The following ATP2A3 variants were observed in gnomAD, a reference collection of about 807,000 sequenced individuals.
The protein encoded by ATP2A3 is sarcoplasmic/endoplasmic reticulum calcium ATPase 3.
ATP2A3 carries 61 observed loss-of-function variants against 106.8 expected under a neutral mutation model. That is an observed-to-expected ratio of 0.57 (90% confidence interval 0.46 to 0.71). ATP2A3 has a LOEUF of 0.71. ATP2A3 is among the 30% of genes least tolerant of loss of function. The pLI is 0.00. For missense variants in ATP2A3, 1,201 were observed against 1,423.5 expected, an observed-to-expected ratio of 0.84 and a Z score of 2.52; for synonymous variants, 611 against 609.3, an observed-to-expected ratio of 1.00 and a Z score of -0.04.
At chr17:3,939,250 A>C (rs1779332964) in intron 14 of ATP2A3, among the ~76,000 whole-genome samples, 1 of 152,184 alleles carries the variant, frequency 6.6e-6, no homozygotes, top group Admixed American at 6.5e-5. Context: ...AGATAAGATC[A>C]AGAACCAGGC....
chr17:3,934,930 T>A, intron 17 of ATP2A3: 1 of 506,374 alleles, frequency 2.0e-6, no homozygotes, highest in Non-Finnish European at 3.6e-6. Context: ...TTGACAAAGG[T>A]AAGATACATC....
In ATP2A3 at chr17:3,955,869, C is replaced by CTTATT. The variant is rs764100735; in HGVS notation, c.119-2164_119-2160dup. Among the ~76,000 whole-genome samples, 113 of 151,196 alleles carry CTTATT rather than the reference C, an allele frequency of 7.5e-4. No individual in the cohort carries two copies. Among genetic ancestry groups the CTTATT allele is most frequent in the African/African-American group, 2.6e-3 (108 of 41,202 alleles). Reference sequence around the variant, plus strand: ...GCTGGTCTCTCAAGTTCTCCTTTCTCTTATTTTATTTTATTTTATTTTTTT... The same window carrying CTTATT: ...GCTGGTCTCTCAAGTTCTCCTTTCTCTTATTTTATTTTATTTTATTTTATTTTTTT... On this transcript the variant is annotated intron_variant, in intron 1 of 20. Transcript: ENST00000397041. The surrounding 1 kb of genome is among the most constrained non-coding windows in gnomAD (Gnocchi z 4.2).
At chr17:3,945,543 C>A (rs1489170696) in intron 8 of ATP2A3, among the ~76,000 whole-genome samples, 1 of 152,230 alleles carries the variant, frequency 6.6e-6, no homozygotes, top group Non-Finnish European at 1.5e-5. Context: ...ACCGCCCCCT[C>A]CTTTGCCTTC....
rs909223028 is a variant in ATP2A3, at chr17:3,930,622, C to T, written c.2611-188G>A. 19 of 778,600 alleles carry T rather than the reference C, an allele frequency of 2.4e-5. No individual in the cohort carries two copies. Among genetic ancestry groups the T allele is most frequent in the African/African-American group, 1.9e-4 (11 of 57,162 alleles). 48.2% of individuals were successfully genotyped at this position (778,600 alleles called of 1,614,324 possible). On this transcript the variant is annotated intron_variant, in intron 17 of 20. Coordinates refer to ENST00000397041, the MANE Select transcript of ATP2A3 (RefSeq NM_005173.4). This position sits in a 1 kb window ranked among gnomAD's most constrained non-coding sequence, Gnocchi z 5.4. ...GGGGCGGCGGTGGGGAGAGCTGCAC[C>T]GTGCCAGGGAGAAGCAAGGGCACAG...
rs1040696914 is a variant in ATP2A3 at position 3,955,671 on chromosome 17, C to T, written c.119-1961G>A. Among the ~76,000 whole-genome samples, 7 of 152,238 alleles carry T rather than the reference C, an allele frequency of 4.6e-5. No individual in the cohort carries two copies. Among genetic ancestry groups the T allele is most frequent in the South Asian group, 4.1e-4 (2 of 4,828 alleles). ...TCAGGACAGCACTAACCTCATGGTG[C>T]GCATGGGTGGGCTTGTGCTGGGCTC... On this transcript the variant is annotated intron_variant, in intron 1 of 20. Transcript: ENST00000397041. The surrounding 1 kb of genome is among the most constrained non-coding windows in gnomAD (Gnocchi z 4.2).
rs373983815 is a variant in ATP2A3 at position 3,935,876 on chromosome 17, C to T, written c.2524+391G>A. 5.6e-4 allele frequency among the ~76,000 whole-genome samples: 86 copies of T among 152,250 alleles called. 3 individuals carry two copies. The South Asian group carries it at 0.016, about 28-fold the overall frequency. Reference sequence around the variant, plus strand: ...CAGACCTCAAGTGATCTGCCCACCTCGGCCTCCCACAATGCTGGGGTTACA... The same window carrying T: ...CAGACCTCAAGTGATCTGCCCACCTTGGCCTCCCACAATGCTGGGGTTACA... On this transcript the variant is annotated intron_variant, in intron 16 of 20. Transcript: ENST00000397041.
chr17:3,942,920 C>A (rs2053866228), intron 11 of ATP2A3, among the ~76,000 whole-genome samples, 189 bp from the exon 12 acceptor site: 1 of 152,186 alleles, frequency 6.6e-6, no homozygotes, highest in Admixed American at 6.5e-5. Flanking sequence ...ATGCCGTTTG[C>A]TGACCATGCT....
intron 11 of ATP2A3, among the ~76,000 whole-genome samples, 161 bp downstream of exon 11, chr17:3,943,229 AC>A (rs1315854175): frequency 6.6e-6 from 1 of 151,402 alleles, no homozygotes; most frequent in Non-Finnish European, 1.5e-5. Flanking sequence ...CCAGGATTGC[AC>A]CATTGTACTA....
chr17:3,928,757 C>G lies in ATP2A3; in HGVS notation c.2886G>C (p.Leu962=), dbSNP rs781669749. Residue 962 remains leucine, a synonymous_variant, in exon 20 of 21, where the codon CTG becomes CTC. Coordinates refer to ENST00000397041, the MANE Select transcript of ATP2A3 (RefSeq NM_005173.4). This position sits in a 1 kb window ranked among gnomAD's most constrained non-coding sequence, Gnocchi z 6.1. The part of the protein sequence containing the change: ...PLPLIFQVTP[L]SGRQWVVVLQ... ...GCACCACCACCCACTGGCGCCCGCT[C>G]AGTGGGGTCACCTGGAAAATGAGCT... 1.9e-6 allele frequency: 3 copies of G among 1,553,922 alleles called. No homozygotes were observed. In the East Asian group the frequency reaches 7.3e-5, roughly 38 times the overall value.
chr17:3,953,384 A>G lies in ATP2A3; in HGVS notation c.182T>C (p.Leu61Pro), dbSNP rs767755507. 3 of 1,614,060 alleles carry G rather than the reference A, an allele frequency of 1.9e-6. No individual in the cohort carries two copies. Among genetic ancestry groups the G allele is most frequent in the Non-Finnish European group, 2.5e-6 (3 of 1,180,018 alleles). Reference sequence around the variant, plus strand: ...GGCAGCCAGCAGCAGGATGCGCACCAGGAGGTCCTCAAACTGTTCCAGCAC... The same window carrying G: ...GGCAGCCAGCAGCAGGATGCGCACCGGGAGGTCCTCAAACTGTTCCAGCAC... The part of the protein sequence containing the change: ...ELVLEQFEDL[L>P]VRILLLAALV... The change falls in exon 3 of 21, where the codon CTG (leucine) becomes CCG (proline). Residue 61 changes from leucine (L) to proline (P), a missense_variant. By Grantham distance (98) the Leu-to-Pro change is moderately conservative. Around this residue, in one of 2 missense-constraint regions of ATP2A3, gnomAD observed 266 missense variants for 246.8 expected, o/e 1.08. Transcript: ENST00000397041. The surrounding 1 kb of genome is among the most constrained non-coding windows in gnomAD (Gnocchi z 5.1).
At chr17:3,951,558 G>GCACC in intron 4 of ATP2A3, 23 bp downstream of exon 4, 1 of 716,228 alleles carries the variant, frequency 1.4e-6, no homozygotes, top group Non-Finnish European at 2.1e-6. Flanking sequence ...CCCCCGCCCG[G>GCACC]TCCCACCCCC....
At chr17:3,939,786 T>TA (rs71381543) in intron 14 of ATP2A3, among the ~76,000 whole-genome samples, 5,342 of 50,288 alleles carry the variant, frequency 0.11, 985 homozygotes, top group Non-Finnish European at 0.16. Flanking sequence ...AGACTCTGTC[T>TA]AAAAAAAAAA....
Position 3,953,523 on chromosome 17 carries a change from C to T in ATP2A3, c.137-94G>A. The T allele has an allele frequency of 1.3e-6, 2 of 1,520,078 alleles. No homozygotes were observed. Among genetic ancestry groups the T allele is most frequent in the Non-Finnish European group, 1.8e-6 (2 of 1,101,928 alleles). The allele number at this position is 1,520,078 out of a possible 1,614,324, so 94.2% of individuals were successfully genotyped here. ...CCCGGGAGACCTCCCGGCCCATTCC[C>T]TCCCTGCACTCAGAAGAGGGAGAAC... On this transcript the variant is annotated intron_variant, in intron 2 of 20. Coordinates refer to ENST00000397041, the MANE Select transcript of ATP2A3 (RefSeq NM_005173.4). The surrounding 1 kb of genome is among the most constrained non-coding windows in gnomAD (Gnocchi z 5.1).
chr17:3,952,361 C>T (rs1287997573), intron 3 of ATP2A3, among the ~76,000 whole-genome samples: 3 of 152,204 alleles, frequency 2.0e-5, no homozygotes, highest in East Asian at 1.9e-4. Flanking sequence ...TGCGCCACTG[C>T]GCCCAGCCAA....
chr17:3,946,224 C>T (rs1208216420), intron 8 of ATP2A3, among the ~76,000 whole-genome samples: 4 of 138,228 alleles, frequency 2.9e-5, no homozygotes, highest in Non-Finnish European at 6.1e-5. Context: ...AGTCTGGCAA[C>T]AGAGTGAGAC....
At position 3,955,882 on chromosome 17, in the gene ATP2A3, ATTTTAT is replaced by A. The variant is rs895866205; in HGVS notation, c.119-2178_119-2173del. Among the ~76,000 whole-genome samples, 1 of 142,778 alleles carries A rather than the reference ATTTTAT, an allele frequency of 7.0e-6. No individual in the cohort carries two copies. Among genetic ancestry groups the A allele is most frequent in the African/African-American group, 2.6e-5 (1 of 38,930 alleles). The allele number at this position is 142,778 out of a possible 152,430, so 93.7% of individuals were successfully genotyped here. ...GTTCTCCTTTCTCTTATTTTATTTT[ATTTTAT>A]TTTTTTTTTTTGAGATGGAGTCTTG... On this transcript the variant is annotated intron_variant, in intron 1 of 20. Transcript: ENST00000397041. The surrounding 1 kb of genome is among the most constrained non-coding windows in gnomAD (Gnocchi z 4.2).
chr17:3,936,931 G>T lies in ATP2A3; in HGVS notation c.2322-462C>A, dbSNP rs1283876321. 6.1e-6 allele frequency: 2 copies of T among 327,274 alleles called. No individual in the cohort carries two copies. The highest frequency in any genetic ancestry group is 2.1e-5 in the African/African-American group (1 of 46,760). The allele number at this position is 327,274 out of a possible 1,614,324, so 20.3% of individuals were successfully genotyped here. On this transcript the variant is annotated intron_variant, in intron 15 of 20. Coordinates refer to ENST00000397041, the MANE Select transcript of ATP2A3 (RefSeq NM_005173.4). The surrounding 1 kb of genome is among the most constrained non-coding windows in gnomAD (Gnocchi z 5.4). ...ATTCCCCACAGGCATCCTCACATGTGAATACGAGTGTGTGCACAGTCACAC... is the reference window on the plus strand; with the variant it reads ...ATTCCCCACAGGCATCCTCACATGTTAATACGAGTGTGTGCACAGTCACAC...
At chr17:3,933,271 ACT>A (rs1448402695) in intron 17 of ATP2A3, among the ~76,000 whole-genome samples, 3 of 148,698 alleles carry the variant, frequency 2.0e-5, no homozygotes, top group Non-Finnish European at 4.4e-5. Context: ...ACAGAGCGAG[ACT>A]CTGTCTCAAA....
At chr17:3,959,334 G>GTTGTC (rs995047621) in intron 1 of ATP2A3, among the ~76,000 whole-genome samples, 4 of 152,184 alleles carry the variant, frequency 2.6e-5, no homozygotes, top group African/African-American at 9.6e-5. Context: ...TCTCTGACCA[G>GTTGTC]TTGTCAGTAT....
Sources: allele counts gnomAD v4.1 joint callset (sites outside exome capture counted in the v4.1 genomes callset), GRCh38; gene constraint gnomAD v4.1.1; regional missense constraint gnomAD v4.1.1; non-coding constraint Gnocchi (gnomAD v3.1); transcripts MANE v1.5; gene names NCBI Gene and HGNC (gene_info 2026-07-23, HGNC 2026-07-21).